GRM8: variants seen among roughly 807,000 people sequenced by gnomAD.
The protein encoded by GRM8 is metabotropic glutamate receptor 8.
Under a neutral mutation model 87.2 loss-of-function variants are expected in GRM8, and 47 were observed. The observed-to-expected ratio is 0.54, with a 90% CI of 0.43 to 0.69. The LOEUF (loss-of-function observed/expected upper bound fraction) is 0.69, where lower values mean the gene tolerates loss of function less well. Ranked by LOEUF, GRM8 falls within the 30% of genes least tolerant of loss-of-function variation. The pLI, the probability that GRM8 is intolerant of heterozygous loss-of-function variation, is 0.00. For synonymous variants in GRM8, 396 were observed against 404.5 expected (o/e 0.98, Z 0.25); for missense variants, 1,019 against 1,139.2 (o/e 0.89, Z 1.52).
intron 6 of GRM8, among the ~76,000 whole-genome samples, chr7:126,806,884 C>T (rs894763816): frequency 6.6e-6 from 1 of 152,222 alleles, no homozygotes; most frequent in Non-Finnish European, 1.5e-5. Context: ...GCGTCTCCCT[C>T]CACACCTCCC....
chr7:127,195,198 T>G (rs760875858), intron 2 of GRM8, among the ~76,000 whole-genome samples: 3 of 152,192 alleles, frequency 2.0e-5, no homozygotes, highest in Non-Finnish European at 4.4e-5. Context: ...TATCTATTCT[T>G]TAAAATTAGT....
intron 6 of GRM8, among the ~76,000 whole-genome samples, chr7:126,850,020 C>T (rs183395830): frequency 4.6e-5 from 7 of 152,270 alleles, no homozygotes; most frequent in African/African-American, 1.7e-4. Flanking sequence ...TGCTTTTTCT[C>T]TTCTTCCCTT....
chr7:126,846,490 A>G lies in GRM8; in HGVS notation c.1156+56052T>C, dbSNP rs189373032. The stretch of plus-strand genomic sequence containing the variant: ...CTTTGGTTACTGAAAGATATAGCCC[A>G]AAGGGCTATGCTATTCTAAGAAAAG... On this transcript the variant is annotated intron_variant, in intron 6 of 10. Transcript: ENST00000339582. Among the ~76,000 whole-genome samples the G allele has an allele frequency of 2.3e-3, 345 of 152,364 alleles. 1 individual carries two copies. The highest frequency in any genetic ancestry group is 0.01 in the Middle Eastern group (3 of 294).
rs1318535467 is a variant in GRM8, at chr7:126,757,254, C to CT, written c.1357+12610dup. Reference sequence around the variant, plus strand: ...TAAAAGCAAGAACCCCTAGTCTGTGCTATCAAAAGTTAGGAGAGCGACTTC... The same window carrying CT: ...TAAAAGCAAGAACCCCTAGTCTGTGCTTATCAAAAGTTAGGAGAGCGACTTC... On this transcript the variant is annotated intron_variant, in intron 7 of 10. Coordinates refer to ENST00000339582, the MANE Select transcript of GRM8 (RefSeq NM_000845.3). Among the ~76,000 whole-genome samples, 44 of 152,092 alleles carry CT rather than the reference C, an allele frequency of 2.9e-4. No individual in the cohort carries two copies. In the South Asian group the frequency reaches 4.8e-3, roughly 17 times the overall value.
Position 126,520,174 on chromosome 7 carries a change from CAG to C in GRM8, c.2430+12776_2430+12777del, listed in dbSNP as rs758245615. Among the ~76,000 whole-genome samples the C allele has an allele frequency of 9.9e-5, 15 of 151,854 alleles. 1 individual carries two copies. The East Asian group carries it at 1.5e-3, about 16-fold the overall frequency. On this transcript the variant is annotated intron_variant, in intron 9 of 10. Coordinates refer to ENST00000339582, the MANE Select transcript of GRM8 (RefSeq NM_000845.3). ...CTGTAATTTGTTGACAGAGTCTAAA[CAG>C]GGGAAAAAAGAAGAGAAGTCTAAAA...
intron 3 of GRM8, among the ~76,000 whole-genome samples, chr7:127,102,261 T>A (rs1825358122): frequency 6.6e-6 from 1 of 152,256 alleles, no homozygotes; most frequent in Admixed American, 6.5e-5. Flanking sequence ...ATTTATATCC[T>A]AGCCATGGGG....
chr7:126,818,991 T>C (rs954576579), intron 6 of GRM8, among the ~76,000 whole-genome samples: 1 of 152,114 alleles, frequency 6.6e-6, no homozygotes, highest in Non-Finnish European at 1.5e-5. Context: ...GTCTCTCTAA[T>C]CCATCCCACT....
chr7:127,192,491 G>A (rs1042752547), intron 2 of GRM8, among the ~76,000 whole-genome samples: 3 of 152,192 alleles, frequency 2.0e-5, no homozygotes, highest in African/African-American at 7.2e-5. Flanking sequence ...GAGCTCCTGT[G>A]TGTTAATTTA....
intron 6 of GRM8, among the ~76,000 whole-genome samples, chr7:126,807,605 G>C (rs970473494): frequency 2.0e-5 from 3 of 151,688 alleles, no homozygotes; most frequent in African/African-American, 7.3e-5. Context: ...TATCTCTCCT[G>C]CCACTCTTCC....
At position 126,609,445 on chromosome 7, in the gene GRM8, A is replaced by G; in HGVS notation, c.1411T>C (p.Tyr471His). 1 of 1,612,250 alleles carries G rather than the reference A, an allele frequency of 6.2e-7. No individual in the cohort carries two copies. Among genetic ancestry groups the G allele is most frequent in the Non-Finnish European group, 8.5e-7 (1 of 1,178,286 alleles). Residue 471 changes from tyrosine (Y) to histidine (H), a missense_variant, in exon 8 of 11, where the codon TAT becomes CAT. Physicochemically the swap from Tyr to His is moderately conservative, Grantham distance 83. Coordinates refer to ENST00000339582, the MANE Select transcript of GRM8 (RefSeq NM_000845.3). The stretch of plus-strand genomic sequence containing the variant: ...GTTATTTGATACTGGAAGATATCAT[A>G]ACGTCCAGGAGCATCTCCGTTTTCA... ...FNENGDAPGR[Y>H]DIFQYQITNK...
At chr7:127,083,037 G>A (rs1051740129) in intron 3 of GRM8, among the ~76,000 whole-genome samples, 1 of 152,192 alleles carries the variant, frequency 6.6e-6, no homozygotes, top group Non-Finnish European at 1.5e-5. Context: ...TCCTTCACCT[G>A]ATGGGATAAG....
At chr7:126,938,232 G>A (rs957065288) in intron 3 of GRM8, among the ~76,000 whole-genome samples, 4 of 152,172 alleles carry the variant, frequency 2.6e-5, no homozygotes, top group African/African-American at 7.2e-5. Context: ...GAATGCAGAT[G>A]TGAAGGAGGG....
intron 7 of GRM8, among the ~76,000 whole-genome samples, chr7:126,709,868 A>G (rs1347424218): frequency 6.6e-6 from 1 of 152,178 alleles, no homozygotes; most frequent in Admixed American, 6.6e-5. Flanking sequence ...CACTTGCAAC[A>G]ACGCGGATGA....
At chr7:126,874,386 G>C (rs143936010) in intron 6 of GRM8, among the ~76,000 whole-genome samples, 1 of 151,980 alleles carries the variant, frequency 6.6e-6, no homozygotes, top group Non-Finnish European at 1.5e-5. Flanking sequence ...TTTTACAAAC[G>C]AAGAGGCTCA....
intron 7 of GRM8, among the ~76,000 whole-genome samples, chr7:126,661,149 T>C (rs1805116890): frequency 6.6e-6 from 1 of 152,212 alleles, no homozygotes; most frequent in African/African-American, 2.4e-5. Flanking sequence ...TTTACTAACA[T>C]TTTACTAAAA....
intron 6 of GRM8, among the ~76,000 whole-genome samples, chr7:126,811,411 CT>C (rs1251316215): frequency 6.6e-6 from 1 of 151,442 alleles, no homozygotes; most frequent in African/African-American, 2.4e-5. Context: ...AAAAAAGACA[CT>C]GGTATTTTGG....
At position 126,493,966 on chromosome 7, in the gene GRM8, T is replaced by A. The variant is rs1320612183; in HGVS notation, c.2430+38986A>T. ...TGAGGAGCAGCTTCCCTGGCATGAC[T>A]GGCAGGGGAAGTCACAGCTCTGCGG... On this transcript the variant is annotated intron_variant, in intron 9 of 10. Transcript: ENST00000339582. Among the ~76,000 whole-genome samples the A allele has an allele frequency of 2.6e-5, 4 of 151,960 alleles. No individual in the cohort carries two copies. The East Asian group carries it at 7.8e-4, about 30-fold the overall frequency.
At chr7:126,439,788 T>C (rs1801243656) in intron 10 of GRM8, among the ~76,000 whole-genome samples, 1 of 148,274 alleles carries the variant, frequency 6.7e-6, no homozygotes, top group Non-Finnish European at 1.5e-5. Flanking sequence ...GAGATGGAAG[T>C]GATATTGATA....
At chr7:126,830,071 A>T (rs375832446) in intron 6 of GRM8, among the ~76,000 whole-genome samples, 1 of 152,152 alleles carries the variant, frequency 6.6e-6, no homozygotes. Context: ...CCGAGAGATC[A>T]GCTGTTAGTC....
Sources: allele counts gnomAD v4.1 joint callset (sites outside exome capture counted in the v4.1 genomes callset), GRCh38; gene constraint gnomAD v4.1.1; transcripts MANE v1.5; gene names NCBI Gene and HGNC (gene_info 2026-07-23, HGNC 2026-07-21).